Variants in XPO6 observed in about 807,000 individuals in gnomAD.
XPO6 encodes the protein exportin 6, also known as exportin-6.
XPO6 carries 3 observed loss-of-function variants against 130.0 expected under a neutral mutation model. That is an observed-to-expected ratio of 0.02 (90% CI 0.01 to 0.06). The LOEUF (loss-of-function observed/expected upper bound fraction) is 0.06. Among genes scored for constraint, XPO6 ranks in the 10% least tolerant of loss-of-function variants. The pLI is 1.00. For synonymous variants in XPO6, 524 were observed against 548.9 expected (o/e 0.95, Z 0.63); for missense variants, 970 against 1,393.0 (o/e 0.70, Z 4.83).
At chr16:28,150,961 C>T (rs2043076150) in intron 8 of XPO6, among the ~76,000 whole-genome samples, 1 of 152,036 alleles carries the variant, frequency 6.6e-6, no homozygotes, top group Non-Finnish European at 1.5e-5. Flanking sequence ...GCCCCTCTAC[C>T]TGACACCTCT....
intron 13 of XPO6, among the ~76,000 whole-genome samples, chr16:28,122,115 A>G (rs773706195): frequency 3.0e-4 from 45 of 152,124 alleles, no homozygotes; most frequent in Non-Finnish European, 5.6e-4. Context: ...GTTGTACTAA[A>G]TATACATACA....
chr16:28,202,038 C>T (rs2043961803), intron 1 of XPO6, among the ~76,000 whole-genome samples: 1 of 152,166 alleles, frequency 6.6e-6, no homozygotes, highest in Non-Finnish European at 1.5e-5. Flanking sequence ...ACATAAGTTT[C>T]ATTTGCAAGA....
intron 8 of XPO6, among the ~76,000 whole-genome samples, chr16:28,147,832 A>G (rs1047320356): frequency 4.6e-5 from 7 of 152,214 alleles, no homozygotes; most frequent in Admixed American, 3.3e-4. Context: ...CTGTGATCCC[A>G]GCTACTCGGG....
At position 28,101,517 on chromosome 16, in the gene XPO6, A is replaced by G; in HGVS notation, c.3217T>C (p.Cys1073Arg). The G allele has an allele frequency of 6.2e-7, 1 of 1,614,224 alleles. No individual in the cohort carries two copies. Among genetic ancestry groups the G allele is most frequent in the African/African-American group, 1.3e-5 (1 of 75,060 alleles). Residue 1073 changes from cysteine (C) to arginine (R), a missense_variant, in exon 23 of 24, where the codon TGT becomes CGT. Transcript: ENST00000304658. This position sits in a 1 kb window ranked among gnomAD's most constrained non-coding sequence, Gnocchi z 5.4. ...AAFLPEFLTS[C>R]DGVDANQKSV... is the part of the protein sequence containing the mutation. ...TTCTGGTTGGCATCCACACCATCAC[A>G]GCTGGTCAGGAACTCTGGGAGGAAG...
rs914965906 is a variant in XPO6, at chr16:28,175,033, A to G, written c.405+865T>C. ...GAAGGAACACACAAATTTTAAATGC[A>G]TTTTCTATCAAACTGAATTCACCAT... On this transcript the variant is annotated intron_variant, in intron 4 of 23. Transcript: ENST00000304658. 2.0e-5 allele frequency among the ~76,000 whole-genome samples: 3 copies of G among 152,184 alleles called. No homozygotes were observed. In the South Asian group the frequency reaches 6.2e-4, roughly 32 times the overall value.
At chr16:28,112,828 CAG>C in intron 16 of XPO6, 74 bp downstream of exon 16, 1 of 1,537,422 alleles carries the variant, frequency 6.5e-7, no homozygotes, top group Non-Finnish European at 8.8e-7. Context: ...AATCAAAGGC[CAG>C]ACTCTTCTTC....
At chr16:28,176,537 G>A (rs961148046) in intron 3 of XPO6, among the ~76,000 whole-genome samples, 2 of 150,052 alleles carry the variant, frequency 1.3e-5, no homozygotes, top group East Asian at 2.0e-4. Context: ...TCGCTCTGTC[G>A]CCCAGGCTGG....
chr16:28,143,794 G>A (rs1167499520), intron 9 of XPO6, among the ~76,000 whole-genome samples: 3 of 151,950 alleles, frequency 2.0e-5, no homozygotes, highest in Non-Finnish European at 2.9e-5. Flanking sequence ...CTGCCACCAC[G>A]CCCAGCTAAT....
intron 6 of XPO6, among the ~76,000 whole-genome samples, chr16:28,158,223 A>T (rs12597515): frequency 6.6e-6 from 1 of 152,032 alleles, no homozygotes; most frequent in Non-Finnish European, 1.5e-5. Flanking sequence ...TCTACATTAA[A>T]ATGGCTGTTG....
At chr16:28,150,200 C>T (rs534923143) in intron 8 of XPO6, among the ~76,000 whole-genome samples, 1 of 152,252 alleles carries the variant, frequency 6.6e-6, no homozygotes, top group South Asian at 2.1e-4. Context: ...CCACAGGTGG[C>T]CAGCCTGCTC....
intron 1 of XPO6, among the ~76,000 whole-genome samples, chr16:28,185,179 C>T (rs1432376071): frequency 6.6e-6 from 1 of 152,004 alleles, no homozygotes; most frequent in Non-Finnish European, 1.5e-5. Flanking sequence ...TCATTATTCA[C>T]TTTATATTAA....
At chr16:28,203,068 C>A (rs1409902770) in intron 1 of XPO6, among the ~76,000 whole-genome samples, 1 of 152,118 alleles carries the variant, frequency 6.6e-6, no homozygotes, top group Non-Finnish European at 1.5e-5. Flanking sequence ...TTGAGCCCAG[C>A]AGCTCAAGGC....
intron 1 of XPO6, among the ~76,000 whole-genome samples, chr16:28,203,031 T>G (rs2043975725): frequency 6.6e-6 from 1 of 152,140 alleles, no homozygotes; most frequent in South Asian, 2.1e-4. Flanking sequence ...ATCCTAGCAC[T>G]TTGGGAGGCT....
intron 14 of XPO6, among the ~76,000 whole-genome samples, chr16:28,121,337 G>C (rs2087231643): frequency 6.6e-6 from 1 of 152,152 alleles, no homozygotes; most frequent in East Asian, 1.9e-4. Flanking sequence ...TTTCCCATTA[G>C]TCCCAACACA....
intron 8 of XPO6, among the ~76,000 whole-genome samples, chr16:28,147,747 A>T (rs2043011197): frequency 6.6e-6 from 1 of 152,226 alleles, no homozygotes; most frequent in African/African-American, 2.4e-5. Context: ...GGAGTTTGAG[A>T]CCACCCTGGC....
intron 1 of XPO6, 79 bp downstream of exon 1, chr16:28,211,287 T>C (rs2044126779): frequency 2.3e-6 from 3 of 1,286,896 alleles, no homozygotes; most frequent in South Asian, 3.4e-5. Flanking sequence ...AGAGCAGCGA[T>C]GGCTCAGCAG....
intron 6 of XPO6, among the ~76,000 whole-genome samples, chr16:28,163,002 C>T (rs371681328): frequency 5.3e-5 from 8 of 152,304 alleles, no homozygotes; most frequent in East Asian, 3.9e-4. Context: ...CTGTGTACCG[C>T]GGGGTGTTTA....
At chr16:28,146,834 G>A (rs980808759) in intron 8 of XPO6, among the ~76,000 whole-genome samples, 13 of 152,226 alleles carry the variant, frequency 8.5e-5, no homozygotes, top group African/African-American at 2.9e-4. Flanking sequence ...TGATGTGGAG[G>A]AACAAAGTGA....
At chr16:28,186,556 G>T (rs903650489) in intron 1 of XPO6, among the ~76,000 whole-genome samples, 1 of 151,284 alleles carries the variant, frequency 6.6e-6, no homozygotes, top group African/African-American at 2.4e-5. Flanking sequence ...TTTTTGTAGA[G>T]CCTGGGTCTT....
Sources: gnomAD v4.1 joint callset for allele counts (sites outside exome capture counted in the v4.1 genomes callset) on GRCh38, gnomAD v4.1.1 for gene constraint, Gnocchi (gnomAD v3.1) non-coding constraint, MANE v1.5 for transcripts, NCBI Gene and HGNC (gene_info 2026-07-23, HGNC 2026-07-21) for gene names.